ISM1: variants seen among roughly 807,000 people sequenced by gnomAD.
ISM1 encodes isthmin-1.
A neutral mutation model predicts 46.3 loss-of-function variants in ISM1; 25 were observed. That is an observed-to-expected ratio of 0.54 (90% CI 0.39 to 0.75). ISM1 has a LOEUF of 0.75. Among genes scored for constraint, ISM1 ranks in the 30% least tolerant of loss-of-function variants. The pLI, the probability that ISM1 is intolerant of heterozygous loss-of-function variation, is 0.00. For missense variants in ISM1, 536 were observed against 625.4 expected, an observed-to-expected ratio of 0.86 and a Z score of 1.52; for synonymous variants, 255 against 256.7, an observed-to-expected ratio of 0.99 and a Z score of 0.06.
intron 5 of ISM1, among the ~76,000 whole-genome samples, chr20:13,292,972 A>G (rs1329249345): frequency 6.6e-6 from 1 of 151,964 alleles, no homozygotes; most frequent in Non-Finnish European, 1.5e-5. Flanking sequence ...TGAGGCGGGC[A>G]GATCACGAGG....
rs116701768 is a variant in ISM1 at position 13,298,482 on chromosome 20, G to A, written c.878-460G>A. Among the ~76,000 whole-genome samples, 762 of 152,232 alleles carry A rather than the reference G, an allele frequency of 5.0e-3. 9 individuals carry two copies. Among genetic ancestry groups the A allele is most frequent in the African/African-American group, 0.017 (717 of 41,518 alleles). ...CTTAAGTTTGTTAGGAGTGATAATC[G>A]GATCACGGTTATCTAGGAAAATATC... On this transcript the variant is annotated intron_variant, in intron 5 of 5. Coordinates refer to ENST00000262487, the MANE Select transcript of ISM1 (RefSeq NM_080826.2).
chr20:13,293,851 G>C (rs1225685197), intron 5 of ISM1, among the ~76,000 whole-genome samples: 1 of 152,064 alleles, frequency 6.6e-6, no homozygotes, highest in Non-Finnish European at 1.5e-5. Flanking sequence ...GCAGGCGCCT[G>C]TAATCCCAGC....
intron 5 of ISM1, among the ~76,000 whole-genome samples, chr20:13,293,972 C>A (rs1435517265): frequency 6.7e-6 from 1 of 150,134 alleles, no homozygotes; most frequent in Admixed American, 6.6e-5. Context: ...GAAACTCCAT[C>A]TCAAAAAAAA....
At chr20:13,303,017 C>T (rs1306730157), downstream of ISM1, among the ~76,000 whole-genome samples, 1 of 152,246 alleles carries the variant, frequency 6.6e-6, no homozygotes, top group Non-Finnish European at 1.5e-5. Flanking sequence ...CCACCATCTT[C>T]TGAGCCCACA....
At chr20:13,222,310 A>G (rs991879707) in intron 1 of ISM1, among the ~76,000 whole-genome samples, 1 of 152,106 alleles carries the variant, frequency 6.6e-6, no homozygotes, top group Admixed American at 6.5e-5. Context: ...GGACGCAAGG[A>G]GACTTTATAG....
intron 1 of ISM1, among the ~76,000 whole-genome samples, chr20:13,254,124 T>G (rs1250673402): frequency 6.6e-6 from 1 of 151,020 alleles, no homozygotes; most frequent in African/African-American, 2.4e-5. Context: ...TCCCAGCTAC[T>G]TGGGAGACTG....
chr20:13,259,289 A>AG (rs943956162), intron 1 of ISM1, among the ~76,000 whole-genome samples: 3 of 151,734 alleles, frequency 2.0e-5, no homozygotes, highest in African/African-American at 7.3e-5. Context: ...TCAAAAAAAA[A>AG]AAAACAAAAA....
chr20:13,245,636 C>G (rs958925499), intron 1 of ISM1, among the ~76,000 whole-genome samples: 3 of 152,190 alleles, frequency 2.0e-5, no homozygotes, highest in African/African-American at 7.2e-5. Context: ...CCTGCACACT[C>G]TAGTGTAGTT....
chr20:13,293,492 C>G (rs181222735), intron 5 of ISM1, among the ~76,000 whole-genome samples: 1 of 151,860 alleles, frequency 6.6e-6, no homozygotes, highest in Admixed American at 6.5e-5. Context: ...CAAAATTTAG[C>G]AGTCCTGAGT....
chr20:13,272,668 A>C (rs2040129343), intron 2 of ISM1, among the ~76,000 whole-genome samples: 2 of 152,214 alleles, frequency 1.3e-5, no homozygotes, highest in African/African-American at 4.8e-5. Context: ...GTATTGTTTT[A>C]ATTGATAAAT....
chr20:13,279,580 T>C, intron 2 of ISM1, 54 bp from the exon 3 acceptor site: 3 of 1,547,932 alleles, frequency 1.9e-6, no homozygotes, highest in Non-Finnish European at 2.6e-6. Flanking sequence ...AAGGGTCATG[T>C]AGCTTGGAGG....
chr20:13,314,012 G>T, the ISM1 span, among the ~76,000 whole-genome samples: 1 of 152,256 alleles, frequency 6.6e-6, no homozygotes, highest in East Asian at 1.9e-4. Context: ...GGGCTTTTTG[G>T]CAGACTGGAC....
chr20:13,297,688 AGAATGCAGGATCAGCATAATTC>A (rs1461702480), intron 5 of ISM1, among the ~76,000 whole-genome samples: 4 of 152,246 alleles, frequency 2.6e-5, no homozygotes, highest in Admixed American at 6.5e-5. Flanking sequence ...TTCCCATGGG[AGAATGCAGGATCAGCATAATTC>A]GATCTTTTGG....
chr20:13,281,919 C>T (rs1182357484), intron 3 of ISM1, among the ~76,000 whole-genome samples: 3 of 152,160 alleles, frequency 2.0e-5, no homozygotes, highest in Non-Finnish European at 1.5e-5. Flanking sequence ...CAGCCCCTTC[C>T]TTATGTACCA....
intron 1 of ISM1, among the ~76,000 whole-genome samples, chr20:13,262,714 C>T (rs1278455573): frequency 6.6e-6 from 1 of 152,158 alleles, no homozygotes. Flanking sequence ...GTATTCAAGA[C>T]ACACCAGTGA....
chr20:13,281,672 C>G (rs1012178927), intron 3 of ISM1, among the ~76,000 whole-genome samples: 17 of 152,070 alleles, frequency 1.1e-4, no homozygotes, highest in Non-Finnish European at 8.8e-5. Flanking sequence ...CCACTTAGGA[C>G]AGTAGAAGGA....
At chr20:13,269,862 T>C (rs2040090507) in intron 1 of ISM1, among the ~76,000 whole-genome samples, 1 of 152,224 alleles carries the variant, frequency 6.6e-6, no homozygotes. Flanking sequence ...ATGTCTATCC[T>C]GTTTATTGCT....
intron 1 of ISM1, among the ~76,000 whole-genome samples, chr20:13,259,842 T>C (rs2039968936): frequency 6.6e-6 from 1 of 152,224 alleles, no homozygotes; most frequent in African/African-American, 2.4e-5. Context: ...GCCCCAATAC[T>C]AAGTGATAAA....
Position 13,221,641 on chromosome 20 carries a change from G to A in ISM1, c.-136G>A, listed in dbSNP as rs1012251531. On this transcript the variant is annotated 5_prime_UTR_variant, in exon 1 of 6. Coordinates refer to ENST00000262487, the MANE Select transcript of ISM1 (RefSeq NM_080826.2). ...CGCCCAGCGCCAGCCCCGCGGGCCC[G>A]GGAAGCGGAGCCCTGGCGGGAGCCG... 8 of 680,000 alleles carry A rather than the reference G, an allele frequency of 1.2e-5. No individual in the cohort carries two copies. The African/African-American group carries it at 1.4e-4, about 12-fold the overall frequency. 42.1% of individuals were successfully genotyped at this position (680,000 alleles called of 1,614,324 possible). A position where few individuals can be genotyped will look rare whatever the true frequency, so the allele number is the denominator to read the frequency against.
Sources: allele counts gnomAD v4.1 joint callset (sites outside exome capture counted in the v4.1 genomes callset), GRCh38; gene constraint gnomAD v4.1.1; transcripts MANE v1.5; gene names NCBI Gene and HGNC (gene_info 2026-07-23, HGNC 2026-07-21).